The following KCNB2 variants were observed in gnomAD, a reference collection of about 807,000 sequenced individuals.
KCNB2 encodes the protein delayed rectifier potassium channel protein.
A neutral mutation model predicts 61.5 loss-of-function variants in KCNB2; 15 were observed. The ratio of observed to expected loss-of-function variants is 0.24; its 90% confidence interval spans 0.16 to 0.38. The LOEUF is 0.38. Ranked by LOEUF, KCNB2 falls within the 10% of genes least tolerant of loss-of-function variation. The pLI, the probability that KCNB2 is intolerant of heterozygous loss-of-function variation, is 1.00. For synonymous variants in KCNB2, 457 were observed against 446.0 expected (o/e 1.02, Z -0.31); for missense variants, 828 against 1,125.2 (o/e 0.74, Z 3.78).
At chr8:72,739,754 A>G (rs1365041838) in intron 2 of KCNB2, among the ~76,000 whole-genome samples, 1 of 152,134 alleles carries the variant, frequency 6.6e-6, no homozygotes, top group East Asian at 1.9e-4. Context: ...CTGTAGATCA[A>G]AGGAAGCTTT....
At chr8:72,893,887 C>T (rs1257055089) in intron 2 of KCNB2, among the ~76,000 whole-genome samples, 1 of 152,212 alleles carries the variant, frequency 6.6e-6, no homozygotes, top group East Asian at 1.9e-4. Context: ...TCAAAAATAA[C>T]ACAATAATAA....
At chr8:72,788,812 G>T (rs898733396) in intron 2 of KCNB2, among the ~76,000 whole-genome samples, 7 of 151,992 alleles carry the variant, frequency 4.6e-5, no homozygotes, top group Non-Finnish European at 8.8e-5. Flanking sequence ...TTATAGATGA[G>T]CCCATCATCT....
intron 2 of KCNB2, among the ~76,000 whole-genome samples, chr8:72,701,953 A>G (rs1033330168): frequency 1.3e-5 from 2 of 152,194 alleles, no homozygotes; most frequent in African/African-American, 4.8e-5. Flanking sequence ...AACATTAACA[A>G]TGATTATTTT....
At chr8:72,545,445 T>C (rs1806245277) in intron 1 of KCNB2, among the ~76,000 whole-genome samples, 1 of 152,180 alleles carries the variant, frequency 6.6e-6, no homozygotes, top group African/African-American at 2.4e-5. Flanking sequence ...TCAAATGTTA[T>C]TGTTATATAG....
At chr8:72,647,910 G>C (rs1286051571) in intron 2 of KCNB2, among the ~76,000 whole-genome samples, 2 of 152,182 alleles carry the variant, frequency 1.3e-5, no homozygotes, top group Non-Finnish European at 2.9e-5. Flanking sequence ...CTGAAGGTTT[G>C]ATAGATACAC....
At chr8:72,849,784 G>T (rs181631091) in intron 2 of KCNB2, among the ~76,000 whole-genome samples, 1 of 152,272 alleles carries the variant, frequency 6.6e-6, no homozygotes, top group East Asian at 1.9e-4. Context: ...AGGTATCTGT[G>T]TCATCCTATT....
intron 2 of KCNB2, among the ~76,000 whole-genome samples, chr8:72,647,142 A>G (rs188348222): frequency 2.4e-3 from 360 of 152,256 alleles, no homozygotes; most frequent in African/African-American, 8.2e-3. Flanking sequence ...AGAATCTTCC[A>G]TGTCCTAAAA....
intron 2 of KCNB2, among the ~76,000 whole-genome samples, chr8:72,934,042 A>C (rs948619676): frequency 6.6e-6 from 1 of 152,156 alleles, no homozygotes; most frequent in South Asian, 2.1e-4. Flanking sequence ...GTTTCACTTT[A>C]TAGCAATTTA....
Position 72,920,571 on chromosome 8 carries a change from A to T in KCNB2, c.580-15364A>T, listed in dbSNP as rs571279117. ...GGTGGGAGGATGGCTTGAGCCCAGA[A>T]GGTGGAGGTCACAGTGACCCTCGAT... On this transcript the variant is annotated intron_variant, in intron 2 of 2. Transcript: ENST00000523207. Among the ~76,000 whole-genome samples, 301 of 148,674 alleles carry T rather than the reference A, an allele frequency of 2.0e-3. 2 individuals are homozygous for T. The highest frequency in any genetic ancestry group is 6.6e-3 in the African/African-American group (269 of 40,568).
At chr8:72,909,850 A>G (rs1234605332) in intron 2 of KCNB2, among the ~76,000 whole-genome samples, 7 of 152,162 alleles carry the variant, frequency 4.6e-5, no homozygotes, top group Admixed American at 4.6e-4. Flanking sequence ...GCTGTGACAC[A>G]TGGAGGAGGA....
intron 2 of KCNB2, among the ~76,000 whole-genome samples, chr8:72,934,394 C>CAAA (rs11392513): frequency 0.01 from 873 of 83,746 alleles, 46 homozygotes; most frequent in African/African-American, 0.043. Context: ...TCACCCCCCG[C>CAAA]AAAAAAAAAA....
intron 2 of KCNB2, among the ~76,000 whole-genome samples, chr8:72,691,229 C>T (rs1041418980): frequency 2.0e-5 from 3 of 152,214 alleles, no homozygotes; most frequent in Admixed American, 2.0e-4. Flanking sequence ...TCCCTGAGTA[C>T]CAGACTTTCT....
chr8:72,896,801 T>G (rs931338305), intron 2 of KCNB2, among the ~76,000 whole-genome samples: 5 of 152,118 alleles, frequency 3.3e-5, no homozygotes, highest in Non-Finnish European at 5.9e-5. Flanking sequence ...GCTCTGTCAC[T>G]AGGAAGAAAA....
rs1377197122 is a variant in KCNB2, at chr8:72,827,560, T to TA, written c.580-108373dup. On this transcript the variant is annotated intron_variant, in intron 2 of 2. Coordinates refer to ENST00000523207, the MANE Select transcript of KCNB2 (RefSeq NM_004770.3). ...TTATTCACTCATTTACATAGTCATT[T>TA]AACAAACCTTTATGAATGTCCACTC... Among the ~76,000 whole-genome samples, 19 of 152,298 alleles carry TA rather than the reference T, an allele frequency of 1.2e-4. No individual in the cohort carries two copies. The South Asian group carries it at 1.5e-3, about 12-fold the overall frequency.
chr8:72,748,724 TTTC>T (rs923508097), intron 2 of KCNB2, among the ~76,000 whole-genome samples: 2 of 151,814 alleles, frequency 1.3e-5, no homozygotes, highest in African/African-American at 2.4e-5. Flanking sequence ...TTATTTACTC[TTTC>T]TTATTTTTAT....
intron 1 of KCNB2, among the ~76,000 whole-genome samples, chr8:72,547,736 T>C (rs1295484615): frequency 6.6e-6 from 1 of 152,202 alleles, no homozygotes; most frequent in Non-Finnish European, 1.5e-5. Context: ...TTACTCTTGA[T>C]TGAAGACACT....
chr8:72,660,980 C>T (rs1197403413), intron 2 of KCNB2: 3 of 152,038 alleles, frequency 2.0e-5, no homozygotes, highest in Admixed American at 6.6e-5. Flanking sequence ...ATTATTTTGT[C>T]TTATTCAGTT....
intron 2 of KCNB2, among the ~76,000 whole-genome samples, chr8:72,892,089 T>A (rs906829147): frequency 4.6e-5 from 7 of 152,144 alleles, no homozygotes; most frequent in Non-Finnish European, 7.4e-5. Context: ...TCCATTTCAT[T>A]GTTAATGCGC....
At chr8:72,810,672 G>A (rs1047003789) in intron 2 of KCNB2, among the ~76,000 whole-genome samples, 11 of 152,160 alleles carry the variant, frequency 7.2e-5, no homozygotes, top group Non-Finnish European at 1.3e-4. Context: ...TTATTCTCAA[G>A]TTTTTGAAGG....
Sources: gnomAD v4.1 joint callset for allele counts (sites outside exome capture counted in the v4.1 genomes callset) on GRCh38, gnomAD v4.1.1 for gene constraint, MANE v1.5 for transcripts, NCBI Gene and HGNC (gene_info 2026-07-23, HGNC 2026-07-21) for gene names.